The following CAMK1D variants were observed in gnomAD, a reference collection of about 807,000 sequenced individuals.
CAMK1D encodes calcium/calmodulin-dependent protein kinase type 1D.
CAMK1D carries 9 observed loss-of-function variants against 47.7 expected under a neutral mutation model. The ratio of observed to expected loss-of-function variants is 0.19; its 90% confidence interval spans 0.11 to 0.33. The LOEUF (loss-of-function observed/expected upper bound fraction) is 0.33, where lower values mean the gene tolerates loss of function less well. Ranked by LOEUF, CAMK1D falls within the 10% of genes least tolerant of loss-of-function variation. The probability of loss-of-function intolerance (pLI) is 1.00; values close to 1 mark genes in which losing one functional copy is unlikely to be tolerated. For missense variants in CAMK1D, 291 were observed against 488.7 expected, an observed-to-expected ratio of 0.60 and a Z score of 3.81; for synonymous variants, 184 against 184.9, an observed-to-expected ratio of 0.99 and a Z score of 0.04.
intron 3 of CAMK1D, among the ~76,000 whole-genome samples, chr10:12,702,306 G>C (rs963698777): frequency 1.3e-5 from 2 of 152,330 alleles, no homozygotes; most frequent in Admixed American, 1.3e-4. Flanking sequence ...AAACATTCCT[G>C]TCAAATCATT....
chr10:12,369,463 G>A (rs1037439681), intron 1 of CAMK1D, among the ~76,000 whole-genome samples: 1 of 152,092 alleles, frequency 6.6e-6, no homozygotes, highest in African/African-American at 2.4e-5. Flanking sequence ...CGGTAGGAAG[G>A]TGCACATATG....
chr10:12,533,342 T>C (rs1043783917), intron 1 of CAMK1D, among the ~76,000 whole-genome samples: 1 of 152,182 alleles, frequency 6.6e-6, no homozygotes, highest in Admixed American at 6.5e-5. Flanking sequence ...TGTGAGATTA[T>C]TTGAATGGAA....
At chr10:12,825,073 C>T (rs1324810949) in intron 9 of CAMK1D, among the ~76,000 whole-genome samples, 3 of 9,700 alleles carry the variant, frequency 3.1e-4, no homozygotes, top group African/African-American at 4.6e-4. Flanking sequence ...AAAGATGAGA[C>T]GGAAACAAAA....
chr10:12,825,487 C>T (rs1028938722), intron 9 of CAMK1D, 86 bp from the exon 10 acceptor site: 2 of 1,316,176 alleles, frequency 1.5e-6, no homozygotes, highest in East Asian at 2.3e-5. Context: ...AATGCTTAGG[C>T]TAATGTGATA....
chr10:12,532,182 A>G (rs1049502103), intron 1 of CAMK1D, among the ~76,000 whole-genome samples: 1 of 152,196 alleles, frequency 6.6e-6, no homozygotes, highest in African/African-American at 2.4e-5. Context: ...TATAATTTAC[A>G]ATGTATAATT....
At chr10:12,406,458 C>A (rs1228202676) in intron 1 of CAMK1D, among the ~76,000 whole-genome samples, 1 of 151,838 alleles carries the variant, frequency 6.6e-6, no homozygotes, top group African/African-American at 2.4e-5. Context: ...TGCCTGTAAT[C>A]CCAGCACTTT....
At chr10:12,681,570 C>T (rs991256047) in intron 3 of CAMK1D, among the ~76,000 whole-genome samples, 14 of 152,264 alleles carry the variant, frequency 9.2e-5, no homozygotes, top group African/African-American at 3.4e-4. Context: ...CAGCATTCTG[C>T]TCTCTTCTGC....
chr10:12,415,678 T>G (rs541713658), intron 1 of CAMK1D, among the ~76,000 whole-genome samples: 48 of 151,900 alleles, frequency 3.2e-4, no homozygotes, highest in Non-Finnish European at 6.3e-4. Context: ...TACTTCAAGA[T>G]ATTTTGTGTC....
chr10:12,635,579 G>T (rs7917530), intron 2 of CAMK1D, among the ~76,000 whole-genome samples: 4 of 152,002 alleles, frequency 2.6e-5, no homozygotes, highest in East Asian at 3.9e-4. Context: ...CATCTTGCTG[G>T]GGGGGAAGAG....
At position 12,490,317 on chromosome 10, in the gene CAMK1D, C is replaced by T. The variant is rs529086877; in HGVS notation, c.93-62908C>T. On this transcript the variant is annotated intron_variant, in intron 1 of 10. Coordinates refer to ENST00000619168, the MANE Select transcript of CAMK1D (RefSeq NM_153498.4). ...TCATTAAAGCTGGCTGCTTGCAGGG[C>T]GCTGGGACGGGGTTATTCTGCTGCC... Among the ~76,000 whole-genome samples the T allele has an allele frequency of 7.2e-5, 11 of 152,164 alleles. No individual in the cohort carries two copies. In the East Asian group the frequency reaches 1.5e-3, roughly 21 times the overall value.
At chr10:12,628,080 C>CAA (rs1248686635) in intron 2 of CAMK1D, among the ~76,000 whole-genome samples, 162 of 81,478 alleles carry the variant, frequency 2.0e-3, no homozygotes, top group Middle Eastern at 0.018. Flanking sequence ...GACTCTGTCT[C>CAA]AAAAAAAAAC....
At position 12,376,854 on chromosome 10, in the gene CAMK1D, A is replaced by T. The variant is rs1225304173; in HGVS notation, c.92+26944A>T. On this transcript the variant is annotated intron_variant, in intron 1 of 10. Transcript: ENST00000619168. ...CTGCAATCTCCACCCTCTGCCTCCT[A>T]GGTTCAAGCGATTCTCCTGCCTCAG... Among the ~76,000 whole-genome samples the T allele has an allele frequency of 2.0e-5, 3 of 150,482 alleles. No homozygotes were observed. In the East Asian group the frequency reaches 5.9e-4, roughly 29 times the overall value.
chr10:12,424,051 G>A (rs546320951), intron 1 of CAMK1D, among the ~76,000 whole-genome samples: 104 of 152,158 alleles, frequency 6.8e-4, no homozygotes, highest in African/African-American at 2.4e-3. Flanking sequence ...CGGCCTGTTC[G>A]TCCTAACTGG....
Position 12,835,416 on chromosome 10 carries a change from G to A in CAMK1D, c.*6529G>A, listed in dbSNP as rs1833490301. The stretch of plus-strand genomic sequence containing the variant: ...CATAGGTTTGCGGCACTGCAAAATT[G>A]TTCATGGGTCTATGTAGCAAATGAT... On this transcript the variant is annotated 3_prime_UTR_variant, in exon 11 of 11. Coordinates refer to ENST00000619168, the MANE Select transcript of CAMK1D (RefSeq NM_153498.4). The A allele has an allele frequency of 6.6e-6, 1 of 152,200 alleles. No homozygotes were observed. Among genetic ancestry groups the A allele is most frequent in the Non-Finnish European group, 1.5e-5 (1 of 68,046 alleles). The allele number at this position is 152,200 out of a possible 1,614,324, so 9.4% of individuals were successfully genotyped here. A position where few individuals can be genotyped will look rare whatever the true frequency, so the allele number is the denominator to read the frequency against.
At chr10:12,631,097 C>A (rs144857774) in intron 2 of CAMK1D, among the ~76,000 whole-genome samples, 103 of 150,730 alleles carry the variant, frequency 6.8e-4, no homozygotes, top group African/African-American at 2.4e-3. Context: ...CACGGCCATT[C>A]TCACAGTGAT....
In CAMK1D at chr10:12,749,818, G is replaced by C. The variant is rs145323480; in HGVS notation, c.300-11130G>C. Among the ~76,000 whole-genome samples, 11 of 144,062 alleles carry C rather than the reference G, an allele frequency of 7.6e-5. No individual in the cohort carries two copies. In the East Asian group the frequency reaches 2.1e-3, roughly 27 times the overall value. 94.5% of individuals were successfully genotyped at this position (144,062 alleles called of 152,430 possible). On this transcript the variant is annotated intron_variant, in intron 3 of 10. Coordinates refer to ENST00000619168, the MANE Select transcript of CAMK1D (RefSeq NM_153498.4). Reference sequence around the variant, plus strand: ...TTGGCCAGGCTGGTCTCAAACTCCTGACTGCAAATGATCCGCCTGCTTCGT... The same window carrying C: ...TTGGCCAGGCTGGTCTCAAACTCCTCACTGCAAATGATCCGCCTGCTTCGT...
At chr10:12,620,682 G>A (rs572882754) in intron 2 of CAMK1D, among the ~76,000 whole-genome samples, 2 of 152,290 alleles carry the variant, frequency 1.3e-5, no homozygotes, top group African/African-American at 2.4e-5. Context: ...CCCCTGTGGG[G>A]TATGTGGTTT....
At chr10:12,602,834 C>G (rs1038545864) in intron 2 of CAMK1D, among the ~76,000 whole-genome samples, 2 of 151,686 alleles carry the variant, frequency 1.3e-5, no homozygotes, top group African/African-American at 4.8e-5. Context: ...TGAGCAAAGA[C>G]CGGTGGTGGA....
chr10:12,491,146 A>AGT (rs142610378), intron 1 of CAMK1D, among the ~76,000 whole-genome samples: 6,600 of 127,972 alleles, frequency 0.052, 436 homozygotes, highest in East Asian at 0.41. Flanking sequence ...AGGGTATGAG[A>AGT]GTATGTGTGT....
Sources: gnomAD v4.1 joint callset for allele counts (sites outside exome capture counted in the v4.1 genomes callset) on GRCh38, gnomAD v4.1.1 for gene constraint, MANE v1.5 for transcripts, NCBI Gene and HGNC (gene_info 2026-07-23, HGNC 2026-07-21) for gene names.